Variants in OXR1 observed in about 807,000 individuals in gnomAD.
OXR1 encodes the protein oxidation resistance protein 1.
Under a neutral mutation model 104.6 loss-of-function variants are expected in OXR1, and 41 were observed. That is an observed-to-expected ratio of 0.39 (90% CI 0.31 to 0.51). The LOEUF is 0.51. Among genes scored for constraint, OXR1 ranks in the 20% least tolerant of loss-of-function variants. OXR1 has a pLI of 0.77. For missense variants in OXR1, 955 were observed against 1,031.9 expected (o/e 0.93, Z 1.02); for synonymous variants, 348 against 348.4 (o/e 1.00, Z 0.01).
At chr8:106,677,119 G>A (rs977878389) in intron 3 of OXR1, among the ~76,000 whole-genome samples, 1 of 151,938 alleles carries the variant, frequency 6.6e-6, no homozygotes, top group African/African-American at 2.4e-5. Context: ...AATTAAGGAA[G>A]GGTATATTAT....
chr8:106,637,273 C>A lies in OXR1; in HGVS notation c.221-41937C>A, dbSNP rs1459842879. Reference sequence around the variant, plus strand: ...TAAAATTCTTCTACTACTGTAGGAGCATGATGCTATTTTAAAATTATGTTA... The same window carrying A: ...TAAAATTCTTCTACTACTGTAGGAGAATGATGCTATTTTAAAATTATGTTA... On this transcript the variant is annotated intron_variant, in intron 3 of 16. Coordinates refer to ENST00000517566, the MANE Select transcript of OXR1 (RefSeq NM_001198533.2). Among the ~76,000 whole-genome samples, 3 of 152,046 alleles carry A rather than the reference C, an allele frequency of 2.0e-5. No homozygotes were observed. The South Asian group carries it at 6.2e-4, about 31-fold the overall frequency.
chr8:106,279,842 C>T (rs1407349753), intron 1 of OXR1, among the ~76,000 whole-genome samples: 1 of 152,114 alleles, frequency 6.6e-6, no homozygotes, highest in Non-Finnish European at 1.5e-5. Flanking sequence ...GAAAGGAATC[C>T]ATTGGATGGT....
At position 106,653,083 on chromosome 8, in the gene OXR1, A is replaced by AAATATAT. The variant is rs1554611974; in HGVS notation, c.221-26126_221-26125insATATATA. Among the ~76,000 whole-genome samples the AAATATAT allele has an allele frequency of 2.7e-4, 37 of 137,150 alleles. No individual in the cohort carries two copies. In the South Asian group the frequency reaches 5.8e-3, roughly 21 times the overall value. The allele number at this position is 137,150 out of a possible 152,430, so 90.0% of individuals were successfully genotyped here. ...ACAAGGAGAAATAGAAAAAAAAAAAAATATATATATATATATGGTAAATGA... is the reference window on the plus strand; with the variant it reads ...ACAAGGAGAAATAGAAAAAAAAAAAAAATATATATATATATATATATATGGTAAATGA... On this transcript the variant is annotated intron_variant, in intron 3 of 16. Coordinates refer to ENST00000517566, the MANE Select transcript of OXR1 (RefSeq NM_001198533.2).
intron 16 of OXR1, 52 bp from the exon 17 acceptor site, chr8:106,750,754 G>A: frequency 2.3e-6 from 3 of 1,327,392 alleles, no homozygotes; most frequent in South Asian, 1.4e-5. Flanking sequence ...CATTTAAATT[G>A]TTTTATAACT....
At chr8:106,331,719 C>T (rs533101488) in intron 1 of OXR1, among the ~76,000 whole-genome samples, 10 of 152,136 alleles carry the variant, frequency 6.6e-5, no homozygotes, top group African/African-American at 2.2e-4. Context: ...GTGGGCGGAT[C>T]ATATCAGGCC....
intron 3 of OXR1, among the ~76,000 whole-genome samples, chr8:106,525,671 G>A (rs558525518): frequency 1.3e-5 from 2 of 152,326 alleles, no homozygotes; most frequent in South Asian, 4.1e-4. Flanking sequence ...AGGTCCAAAA[G>A]GGGGGCTCCT....
At chr8:106,750,062 A>G (rs1177143490) in intron 16 of OXR1, among the ~76,000 whole-genome samples, 1 of 151,930 alleles carries the variant, frequency 6.6e-6, no homozygotes, top group Non-Finnish European at 1.5e-5. Context: ...ATGAATCCCC[A>G]AATTTTATTT....
At chr8:106,309,728 C>T (rs1270016685) in intron 1 of OXR1, among the ~76,000 whole-genome samples, 1 of 150,664 alleles carries the variant, frequency 6.6e-6, no homozygotes, top group East Asian at 1.9e-4. Flanking sequence ...TTTGGACAAA[C>T]CAATAGCTTT....
At chr8:106,362,120 G>T (rs896442092) in intron 2 of OXR1, among the ~76,000 whole-genome samples, 11 of 152,136 alleles carry the variant, frequency 7.2e-5, no homozygotes, top group African/African-American at 2.7e-4. Flanking sequence ...GATTAGCACT[G>T]CCAATGTTTG....
Position 106,300,764 on chromosome 8 carries a change from A to T in OXR1, c.-139+30397A>T, listed in dbSNP as rs375550876. ...AAAGTTAGTGGTATGGATATTGCAC[A>T]AGAAGCTCCTGTGCATTATCTTTTT... On this transcript the variant is annotated intron_variant, in intron 1 of 16. Transcript: ENST00000517566. Among the ~76,000 whole-genome samples the T allele has an allele frequency of 4.6e-5, 7 of 152,340 alleles. No homozygotes were observed. In the East Asian group the frequency reaches 7.7e-4, roughly 17 times the overall value.
intron 3 of OXR1, among the ~76,000 whole-genome samples, chr8:106,626,593 G>T (rs1167230745): frequency 2.8e-5 from 4 of 141,916 alleles, no homozygotes; most frequent in Non-Finnish European, 4.6e-5. Context: ...ATTTTCTTAG[G>T]TTTTTTTTTT....
chr8:106,590,581 C>T (rs935398077), intron 3 of OXR1, among the ~76,000 whole-genome samples: 6 of 152,190 alleles, frequency 3.9e-5, no homozygotes, highest in African/African-American at 9.7e-5. Flanking sequence ...CCACCGTGCC[C>T]GGCCAGCAAT....
chr8:106,745,712 G>GT (rs1835336885), intron 15 of OXR1, 77 bp from the exon 16 acceptor site: 2 of 670,894 alleles, frequency 3.0e-6, no homozygotes, highest in Admixed American at 5.5e-5. Flanking sequence ...TTGTTAACTC[G>GT]TTTGAGTTTT....
intron 2 of OXR1, among the ~76,000 whole-genome samples, chr8:106,376,562 T>A (rs1377649576): frequency 6.6e-6 from 1 of 152,216 alleles, no homozygotes; most frequent in Non-Finnish European, 1.5e-5. Flanking sequence ...GTTATTGGCC[T>A]AACATTACTT....
At chr8:106,371,909 G>A (rs765315416) in intron 2 of OXR1, among the ~76,000 whole-genome samples, 6 of 152,216 alleles carry the variant, frequency 3.9e-5, no homozygotes, top group Non-Finnish European at 8.8e-5. Context: ...GCACAGCCTG[G>A]AACTAGAGAA....
In OXR1 at chr8:106,706,808, C is replaced by T; in HGVS notation, c.1287C>T (p.Asn429=). The T allele has an allele frequency of 6.2e-7, 1 of 1,612,472 alleles. No homozygotes were observed. The highest frequency in any genetic ancestry group is 8.5e-7 in the Non-Finnish European group (1 of 1,179,504). ...MAIKEDQIAD[N]FQGISGPKED... ...TTAAGGAAGATCAGATTGCAGATAA[C>T]TTTCAAGGAATATCAGGTCCTAAAG... is the stretch of plus-strand genomic sequence containing the variant. Residue 429 remains asparagine (N), a synonymous_variant, in exon 9 of 17, where the codon AAC becomes AAT. Coordinates refer to ENST00000517566, the MANE Select transcript of OXR1 (RefSeq NM_001198533.2).
At position 106,742,258 on chromosome 8, in the gene OXR1, A is replaced by G; in HGVS notation, c.2353A>G (p.Ser785Gly). Residue 785 changes from serine (S) to glycine (G), a missense_variant, in exon 15 of 17, where the codon AGT (serine) becomes GGT (glycine). Transcript: ENST00000517566. ...GALASEPLKV[S>G]DGFYGTGETF... ...GTTAGCATCTGAGCCACTGAAAGTG[A>G]GTGATGGCTTTTATGGTACTGGAGA... The G allele has an allele frequency of 6.2e-7, 1 of 1,611,874 alleles. No homozygotes were observed. The highest frequency in any genetic ancestry group is 8.5e-7 in the Non-Finnish European group (1 of 1,178,246).
intron 3 of OXR1, among the ~76,000 whole-genome samples, chr8:106,629,214 T>G (rs890034976): frequency 2.0e-5 from 3 of 152,150 alleles, no homozygotes; most frequent in African/African-American, 7.2e-5. Flanking sequence ...AGTTATACCT[T>G]GTGTTAAGTC....
At chr8:106,742,575 G>A (rs1835012491) in intron 15 of OXR1, 1 of 286,258 alleles carries the variant, frequency 3.5e-6, no homozygotes. Context: ...AACCAAAATA[G>A]CATGGTACTG....
Sources: allele counts gnomAD v4.1 joint callset (sites outside exome capture counted in the v4.1 genomes callset), GRCh38; gene constraint gnomAD v4.1.1; transcripts MANE v1.5; gene names NCBI Gene and HGNC (gene_info 2026-07-23, HGNC 2026-07-21).